The following SORCS3 variants were observed in gnomAD, a reference collection of about 807,000 sequenced individuals.
The protein encoded by SORCS3 is sortilin related VPS10 domain containing receptor 3, also known as VPS10 domain-containing receptor SorCS3.
A neutral mutation model predicts 146.3 loss-of-function variants in SORCS3; 57 were observed. That is an observed-to-expected ratio of 0.39 (90% CI 0.31 to 0.49). The LOEUF is 0.49. Ranked by LOEUF, SORCS3 falls within the 20% of genes least tolerant of loss-of-function variation. The pLI, the probability that SORCS3 is intolerant of heterozygous loss-of-function variation, is 0.92. For missense variants in SORCS3, 1,341 were observed against 1,575.5 expected (o/e 0.85, Z 2.52); for synonymous variants, 653 against 618.5 (o/e 1.06, Z -0.83).
At chr10:104,803,101 A>G (rs1379238354) in intron 1 of SORCS3, among the ~76,000 whole-genome samples, 1 of 152,182 alleles carries the variant, frequency 6.6e-6, no homozygotes, top group Non-Finnish European at 1.5e-5. Flanking sequence ...TGATAGGGAG[A>G]CAGAAATTTC....
rs1474912487 is a variant in SORCS3, at chr10:105,164,336, T to A, written c.1766T>A (p.Ile589Asn). 6.2e-7 allele frequency: 1 copy of A among 1,613,754 alleles called. No homozygotes were observed. The highest frequency in any genetic ancestry group is 1.1e-5 in the South Asian group (1 of 91,078). Residue 589 changes from isoleucine (I) to asparagine (N), a missense_variant, in exon 12 of 27, where the codon ATT (isoleucine) becomes AAT (asparagine). By Grantham distance (149) the Ile-to-Asn change is moderately radical. Coordinates refer to ENST00000369701, the MANE Select transcript of SORCS3 (RefSeq NM_014978.3). The stretch of plus-strand genomic sequence containing the variant: ...GGCCCGGAGCTCTCATATACTGATA[T>A]TGGTGTGTTCATCTCCTCCGATGGG... ...NIGPELSYTD[I>N]GVFISSDGGN...
chr10:105,255,622 C>A, intron 23 of SORCS3, 80 bp from the exon 24 acceptor site: 1 of 917,370 alleles, frequency 1.1e-6, no homozygotes, highest in South Asian at 1.5e-5. Flanking sequence ...TACCTATTGA[C>A]CTTGTCCTTG....
At chr10:105,205,559 C>T (rs779371113) in intron 16 of SORCS3, among the ~76,000 whole-genome samples, 90 of 152,226 alleles carry the variant, frequency 5.9e-4, no homozygotes, top group Non-Finnish European at 1.2e-3. Flanking sequence ...AGCAGGCAGT[C>T]AGAAAAGGTG....
intron 1 of SORCS3, among the ~76,000 whole-genome samples, chr10:104,681,027 C>T (rs564216158): frequency 6.6e-6 from 1 of 152,368 alleles, no homozygotes; most frequent in East Asian, 1.9e-4. Context: ...TTCCGCAGAG[C>T]TCCGCCTCGG....
At chr10:104,807,288 T>A (rs1193735969) in intron 1 of SORCS3, among the ~76,000 whole-genome samples, 1 of 152,160 alleles carries the variant, frequency 6.6e-6, no homozygotes, top group Non-Finnish European at 1.5e-5. Flanking sequence ...CATTTTCAGC[T>A]GAGTGACAAT....
intron 8 of SORCS3, among the ~76,000 whole-genome samples, chr10:105,143,810 C>T (rs1434424994): frequency 1.3e-5 from 2 of 152,118 alleles, no homozygotes; most frequent in Non-Finnish European, 2.9e-5. Flanking sequence ...ACTCCCTTCT[C>T]CCGCTGTAGA....
chr10:104,686,315 A>G (rs1010100112), intron 1 of SORCS3, among the ~76,000 whole-genome samples: 2 of 151,916 alleles, frequency 1.3e-5, no homozygotes, highest in Non-Finnish European at 2.9e-5. Flanking sequence ...GAGTGGGACA[A>G]CAGGAGCAGT....
At chr10:104,997,011 G>T (rs1471514804) in intron 4 of SORCS3, among the ~76,000 whole-genome samples, 1 of 152,086 alleles carries the variant, frequency 6.6e-6, no homozygotes, top group Non-Finnish European at 1.5e-5. Flanking sequence ...TTTGCACATG[G>T]AGAGGATATT....
At chr10:105,145,586 A>G (rs952929447) in intron 8 of SORCS3, among the ~76,000 whole-genome samples, 3 of 152,156 alleles carry the variant, frequency 2.0e-5, no homozygotes, top group Admixed American at 6.6e-5. Context: ...TTAACAGGGT[A>G]AGTGAATTTA....
rs1025425802 is a variant in SORCS3, at chr10:105,147,856, G to T, written c.1482+60G>T. The T allele has an allele frequency of 2.6e-5, 38 of 1,440,060 alleles. No individual in the cohort carries two copies. The Admixed American group carries it at 6.9e-4, about 26-fold the overall frequency. 89.2% of individuals were successfully genotyped at this position (1,440,060 alleles called of 1,614,324 possible). A position where few individuals can be genotyped will look rare whatever the true frequency, so the allele number is the denominator to read the frequency against. ...TCTCTCTTTTTCCTGAGTTTTAATG[G>T]TATAAACACAAGCACTGGAGTTCTG... is the stretch of plus-strand genomic sequence containing the variant. On this transcript the variant is annotated intron_variant, in intron 9 of 26. Coordinates refer to ENST00000369701, the MANE Select transcript of SORCS3 (RefSeq NM_014978.3).
chr10:104,826,056 TC>T (rs900300797), intron 1 of SORCS3, among the ~76,000 whole-genome samples: 6 of 152,190 alleles, frequency 3.9e-5, no homozygotes, highest in African/African-American at 1.2e-4. Flanking sequence ...CTCCCTTGGA[TC>T]CCCTTGGAAT....
intron 7 of SORCS3, among the ~76,000 whole-genome samples, chr10:105,107,423 A>C (rs750471048): frequency 2.2e-4 from 33 of 151,572 alleles, no homozygotes; most frequent in Non-Finnish European, 4.0e-4. Flanking sequence ...CGGAAACATG[A>C]CTTAGAATGT....
intron 1 of SORCS3, among the ~76,000 whole-genome samples, chr10:104,713,375 T>G (rs893614205): frequency 6.6e-6 from 1 of 152,164 alleles, no homozygotes; most frequent in Non-Finnish European, 1.5e-5. Flanking sequence ...CTTTTGTCCT[T>G]TTCTGTGGGA....
chr10:104,651,947 A>G (rs1032196982), intron 1 of SORCS3, among the ~76,000 whole-genome samples: 1 of 152,166 alleles, frequency 6.6e-6, no homozygotes, highest in Admixed American at 6.6e-5. Flanking sequence ...GAGTTGATGG[A>G]TAAATATCTA....
intron 2 of SORCS3, among the ~76,000 whole-genome samples, chr10:104,907,518 C>T (rs563166192): frequency 6.6e-6 from 1 of 152,290 alleles, no homozygotes; most frequent in African/African-American, 2.4e-5. Flanking sequence ...GAGACGTGTG[C>T]TGGGAAGCTG....
intron 1 of SORCS3, among the ~76,000 whole-genome samples, chr10:104,680,848 T>G (rs1367923750): frequency 6.6e-6 from 1 of 152,236 alleles, no homozygotes; most frequent in Non-Finnish European, 1.5e-5. Flanking sequence ...GAATCGCTCC[T>G]GAGAGCTTCT....
At chr10:105,215,221 T>C (rs746564252) in intron 18 of SORCS3, among the ~76,000 whole-genome samples, 1 of 152,222 alleles carries the variant, frequency 6.6e-6, no homozygotes, top group Non-Finnish European at 1.5e-5. Context: ...TTGATTCCAG[T>C]ATGGGAATAT....
At chr10:105,113,829 C>T (rs962794376) in intron 7 of SORCS3, among the ~76,000 whole-genome samples, 4 of 152,146 alleles carry the variant, frequency 2.6e-5, no homozygotes, top group African/African-American at 9.7e-5. Context: ...AGAAGCTAAT[C>T]CTTCCCAGAA....
At chr10:105,252,024 G>A (rs2119752652) in intron 22 of SORCS3, among the ~76,000 whole-genome samples, 1 of 152,188 alleles carries the variant, frequency 6.6e-6, no homozygotes, top group South Asian at 2.1e-4. Flanking sequence ...TAGTCTATCA[G>A]GTGATTATAC....
Sources: allele counts gnomAD v4.1 joint callset (sites outside exome capture counted in the v4.1 genomes callset), GRCh38; gene constraint gnomAD v4.1.1; transcripts MANE v1.5; gene names NCBI Gene and HGNC (gene_info 2026-07-23, HGNC 2026-07-21).